Variants in MAP7 observed in about 807,000 individuals in gnomAD.
The protein encoded by MAP7 is ensconsin.
Under a neutral mutation model 94.8 loss-of-function variants are expected in MAP7, and 52 were observed. That is an observed-to-expected ratio of 0.55 (90% confidence interval 0.44 to 0.69). The LOEUF is 0.69. Among genes scored for constraint, MAP7 ranks in the 30% least tolerant of loss-of-function variants. The pLI is 0.00. For synonymous variants in MAP7, 350 were observed against 357.0 expected (o/e 0.98, Z 0.22); for missense variants, 940 against 964.6 (o/e 0.97, Z 0.34).
intron 16 of MAP7, 114 bp downstream of exon 16, chr6:136,356,578 T>A: frequency 2.6e-6 from 2 of 769,876 alleles, no homozygotes; most frequent in Non-Finnish European, 4.2e-6. Context: ...CAACCAAAAA[T>A]CAATGAGGCC....
At chr6:136,536,861 G>GT (rs1448221650) in intron 1 of MAP7, among the ~76,000 whole-genome samples, 1 of 152,200 alleles carries the variant, frequency 6.6e-6, no homozygotes, top group African/African-American at 2.4e-5. Context: ...CTGTGCTATG[G>GT]TAAGAAAAAA....
chr6:136,486,423 C>T (rs1006972693), intron 1 of MAP7, among the ~76,000 whole-genome samples: 1 of 152,152 alleles, frequency 6.6e-6, no homozygotes, highest in Non-Finnish European at 1.5e-5. Context: ...CCCTTTAAGT[C>T]TCTAAATAAT....
intron 1 of MAP7, among the ~76,000 whole-genome samples, chr6:136,494,921 C>T (rs1224253470): frequency 6.6e-6 from 1 of 152,142 alleles, no homozygotes; most frequent in Non-Finnish European, 1.5e-5. Context: ...GAAAGGTTAT[C>T]TCCTGTACAC....
intron 1 of MAP7, among the ~76,000 whole-genome samples, chr6:136,539,927 C>G (rs1483172499): frequency 6.6e-6 from 1 of 152,194 alleles, no homozygotes; most frequent in Non-Finnish European, 1.5e-5. Flanking sequence ...TGTAGTAAGT[C>G]AGGATTGTGC....
chr6:136,399,113 C>T (rs951998763), intron 3 of MAP7, among the ~76,000 whole-genome samples: 2 of 152,062 alleles, frequency 1.3e-5, no homozygotes, highest in Non-Finnish European at 1.5e-5. Context: ...ACCAGAGTAG[C>T]CAGTAATATA....
intron 1 of MAP7, among the ~76,000 whole-genome samples, chr6:136,535,737 CTT>C (rs958095692): frequency 6.1e-5 from 9 of 146,950 alleles, no homozygotes; most frequent in Admixed American, 2.7e-4. Flanking sequence ...TATTTGTCAT[CTT>C]TTTTTTTCTT....
At chr6:136,406,369 C>T (rs1785613364) in intron 3 of MAP7, among the ~76,000 whole-genome samples, 1 of 152,144 alleles carries the variant, frequency 6.6e-6, no homozygotes. Context: ...ACTCTTTCTC[C>T]ATGACAACTG....
chr6:136,465,590 C>T (rs1806753073), intron 1 of MAP7, among the ~76,000 whole-genome samples: 1 of 152,098 alleles, frequency 6.6e-6, no homozygotes, highest in Non-Finnish European at 1.5e-5. Flanking sequence ...GTATATACAA[C>T]CCTGAACATT....
intron 3 of MAP7, among the ~76,000 whole-genome samples, chr6:136,402,832 G>T (rs1283370859): frequency 6.8e-6 from 1 of 146,506 alleles, no homozygotes; most frequent in African/African-American, 2.6e-5. Flanking sequence ...CGTGAACCTG[G>T]GAGGCGGAGC....
chr6:136,480,785 G>C (rs1204061701), intron 1 of MAP7, among the ~76,000 whole-genome samples: 1 of 151,486 alleles, frequency 6.6e-6, no homozygotes, highest in Non-Finnish European at 1.5e-5. Flanking sequence ...ATCACTTCAT[G>C]TTAAAAAGCT....
chr6:136,461,816 T>A (rs1204114196), intron 1 of MAP7, among the ~76,000 whole-genome samples: 1 of 152,218 alleles, frequency 6.6e-6, no homozygotes, highest in Admixed American at 6.5e-5. Context: ...CTCTAAACAC[T>A]ATTAGGAGTT....
intron 1 of MAP7, among the ~76,000 whole-genome samples, chr6:136,538,145 A>G (rs1829030418): frequency 6.6e-6 from 1 of 152,230 alleles, no homozygotes; most frequent in Non-Finnish European, 1.5e-5. Context: ...TTTCTTAGTG[A>G]GAAATGTGCC....
intron 8 of MAP7, among the ~76,000 whole-genome samples, chr6:136,371,095 A>G (rs754955881): frequency 3.3e-5 from 5 of 152,132 alleles, no homozygotes; most frequent in Non-Finnish European, 7.4e-5. Context: ...GTAAAGAGGT[A>G]AAAAGACAGC....
intron 1 of MAP7, among the ~76,000 whole-genome samples, chr6:136,520,767 A>G (rs748934796): frequency 1.3e-5 from 2 of 152,228 alleles, no homozygotes; most frequent in Non-Finnish European, 2.9e-5. Flanking sequence ...AGGAAGCAAG[A>G]TGAGGAAAAT....
At position 136,362,454 on chromosome 6, in the gene MAP7, C is replaced by T; in HGVS notation, c.1522G>A (p.Glu508Lys). 1 of 1,613,812 alleles carries T rather than the reference C, an allele frequency of 6.2e-7. No homozygotes were observed. Among genetic ancestry groups the T allele is most frequent in the Non-Finnish European group, 8.5e-7 (1 of 1,179,940 alleles). ...ERERREQEEL[E>K]RQKREELAQR... ...GGAGCAATGTCTCCCATTTACCTTT[C>T]AAGCTCTTCCTGCTCCCTCCTCTCC... Residue 508 changes from glutamate (E) to lysine (K), a missense_variant, in exon 11 of 18, where the codon GAA (glutamate) becomes AAA (lysine). Physicochemically the swap from Glu to Lys is moderately conservative, Grantham distance 56. Transcript: ENST00000354570.
intron 1 of MAP7, among the ~76,000 whole-genome samples, chr6:136,446,251 A>T (rs1030337795): frequency 6.6e-6 from 1 of 151,932 alleles, no homozygotes; most frequent in Non-Finnish European, 1.5e-5. Context: ...TAGGGCACAG[A>T]TCATCAGAGG....
intron 1 of MAP7, among the ~76,000 whole-genome samples, chr6:136,435,782 A>G (rs892452140): frequency 6.6e-6 from 1 of 152,192 alleles, no homozygotes; most frequent in Non-Finnish European, 1.5e-5. Flanking sequence ...AAATTTGAGG[A>G]AGCAAGAAAA....
chr6:136,434,455 G>C (rs1795826196), intron 1 of MAP7, among the ~76,000 whole-genome samples: 1 of 152,096 alleles, frequency 6.6e-6, no homozygotes, highest in Admixed American at 6.6e-5. Context: ...GGTATGCTTA[G>C]CGTAACAAGC....
At chr6:136,468,896 C>G (rs2128932042) in intron 1 of MAP7, among the ~76,000 whole-genome samples, 1 of 152,224 alleles carries the variant, frequency 6.6e-6, no homozygotes, top group Admixed American at 6.5e-5. Context: ...TGGGAAATGA[C>G]TGGTACCACA....
Sources: gnomAD v4.1 joint callset for allele counts (sites outside exome capture counted in the v4.1 genomes callset) on GRCh38, gnomAD v4.1.1 for gene constraint, MANE v1.5 for transcripts, NCBI Gene and HGNC (gene_info 2026-07-23, HGNC 2026-07-21) for gene names.